Variants in SUGP2 observed in about 807,000 individuals in gnomAD.
The protein encoded by SUGP2 is SURP and G-patch domain-containing protein 2.
A neutral mutation model predicts 90.5 loss-of-function variants in SUGP2; 24 were observed. The observed-to-expected ratio is 0.27, with a 90% CI of 0.19 to 0.37. SUGP2 has a LOEUF of 0.37. SUGP2 is among the 10% of genes least tolerant of loss of function. SUGP2 has a pLI of 1.00. For missense variants in SUGP2, 1,233 were observed against 1,363.3 expected (o/e 0.90, Z 1.51); for synonymous variants, 473 against 513.4 (o/e 0.92, Z 1.06).
rs2057526042 is a variant in SUGP2 at position 18,995,176 on chromosome 19, G to A, written c.3096C>T (p.Ser1032=). The A allele has an allele frequency of 1.9e-6, 3 of 1,613,314 alleles. No homozygotes were observed. Among genetic ancestry groups the A allele is most frequent in the African/African-American group, 1.3e-5 (1 of 75,034 alleles). The change falls in exon 9 of 11, where the codon TCC becomes TCT. Residue 1032 remains serine, a synonymous_variant. Transcript: ENST00000452918. The stretch of plus-strand genomic sequence containing the variant: ...CCGGCTCCCTGATGCCCTTTCCGAG[G>A]GAGCCCAGGCCATGGCCCTCCTTCC... ...MGWKEGHGLG[S]LGKGIREPVS...
At chr19:19,028,463 G>A (rs1488858979) in intron 2 of SUGP2, among the ~76,000 whole-genome samples, 1 of 152,194 alleles carries the variant, frequency 6.6e-6, no homozygotes. Flanking sequence ...TGATAACCCA[G>A]GTATTGATGA....
At position 19,025,590 on chromosome 19, in the gene SUGP2, T is replaced by G; in HGVS notation, c.758A>C (p.Lys253Thr). Residue 253 changes from lysine (K) to threonine (T), a missense_variant, in exon 3 of 11, where the codon AAA becomes ACA. Coordinates refer to ENST00000452918, the MANE Select transcript of SUGP2 (RefSeq NM_001017392.5). ...KLVTLRNVST[K>T]KIPTVNRITP... ...AATACGATTCACGGTGGGTATTTTT[T>G]TTGTGCTCACATTTCTCAATGTGAC... 1 of 1,614,098 alleles carries G rather than the reference T, an allele frequency of 6.2e-7. No individual in the cohort carries two copies. Among genetic ancestry groups the G allele is most frequent in the Non-Finnish European group, 8.5e-7 (1 of 1,180,030 alleles).
intron 4 of SUGP2, among the ~76,000 whole-genome samples, chr19:19,011,154 CCTT>C (rs1215400272): frequency 6.7e-6 from 1 of 149,616 alleles, no homozygotes; most frequent in East Asian, 2.0e-4. Context: ...AAAAAAAAAA[CCTT>C]CTCCTTCTAG....
chr19:18,990,898 T>C lies in SUGP2; in HGVS notation c.*2843A>G, dbSNP rs2057335181. On this transcript the variant is annotated 3_prime_UTR_variant, in exon 11 of 11. Coordinates refer to ENST00000452918, the MANE Select transcript of SUGP2 (RefSeq NM_001017392.5). ...CCATGGAGACCCCAGCACACTGCAT[T>C]TCCTCTACATTTATTGCAACGGCTA... 6.6e-6 allele frequency: 1 copy of C among 152,202 alleles called. No homozygotes were observed. The highest frequency in any genetic ancestry group is 1.5e-5 in the Non-Finnish European group (1 of 68,034). 9.4% of individuals were successfully genotyped at this position (152,202 alleles called of 1,614,324 possible).
Position 18,993,135 on chromosome 19 carries a change from T to C in SUGP2, c.*606A>G, listed in dbSNP as rs2057432243. The C allele has an allele frequency of 6.6e-6, 1 of 152,246 alleles. No individual in the cohort carries two copies. Among genetic ancestry groups the C allele is most frequent in the Admixed American group, 6.5e-5 (1 of 15,284 alleles). 9.4% of individuals were successfully genotyped at this position (152,246 alleles called of 1,614,324 possible). ...CTCCCCACCCGATAGAGCTATTCTA[T>C]ACTGTTGCTAAAATTTCATTAAGTC... On this transcript the variant is annotated 3_prime_UTR_variant, in exon 11 of 11. Transcript: ENST00000452918.
intron 6 of SUGP2, among the ~76,000 whole-genome samples, chr19:19,005,885 A>C (rs1242364124): frequency 3.4e-5 from 1 of 29,330 alleles, no homozygotes; most frequent in Non-Finnish European, 7.2e-5. Context: ...ACACACACAC[A>C]CACACACCAC....
chr19:19,014,894 T>C (rs1396434106), intron 4 of SUGP2, among the ~76,000 whole-genome samples: 2 of 151,842 alleles, frequency 1.3e-5, no homozygotes, highest in East Asian at 1.9e-4. Flanking sequence ...AAAAGCAACA[T>C]AGGCTTATTA....
chr19:19,007,950 G>A (rs1256517061), intron 6 of SUGP2, among the ~76,000 whole-genome samples: 1 of 151,946 alleles, frequency 6.6e-6, no homozygotes, highest in Admixed American at 6.6e-5. Flanking sequence ...GTAGAGATGG[G>A]GTTTTAGCAT....
At chr19:18,994,622 C>G in intron 9 of SUGP2, 136 bp from the exon 10 acceptor site, 3 of 1,234,728 alleles carry the variant, frequency 2.4e-6, no homozygotes, top group Middle Eastern at 2.8e-4. Flanking sequence ...AAGGGAAAAT[C>G]AAGACGCGAC....
At chr19:19,030,343 A>C (rs142327687) in intron 2 of SUGP2, among the ~76,000 whole-genome samples, 1,871 of 152,138 alleles carry the variant, frequency 0.012, 35 homozygotes, top group African/African-American at 0.043. Context: ...TAGAAAAATT[A>C]GCTGGGCGTG....
rs1029268766 is a variant in SUGP2 at position 18,995,417 on chromosome 19, C to T, written c.2992-137G>A. The T allele has an allele frequency of 1.2e-5, 12 of 1,037,324 alleles. No individual in the cohort carries two copies. The East Asian group carries it at 3.0e-4, about 26-fold the overall frequency. The allele number at this position is 1,037,324 out of a possible 1,614,324, so 64.3% of individuals were successfully genotyped here. A position where few individuals can be genotyped will look rare whatever the true frequency, so the allele number is the denominator to read the frequency against. ...CAGATGCTCAGGCTCAAGCTCCAGT[C>T]ACTTCCCCAGTTCTCTGCAACATCC... On this transcript the variant is annotated intron_variant, in intron 8 of 10. Coordinates refer to ENST00000452918, the MANE Select transcript of SUGP2 (RefSeq NM_001017392.5).
chr19:18,995,082 C>G (rs756494345), intron 9 of SUGP2, 62 bp downstream of exon 9: 6 of 1,581,136 alleles, frequency 3.8e-6, no homozygotes, highest in Non-Finnish European at 5.1e-6. Context: ...AGCCAAGCGG[C>G]AGGCTGCAGG....
chr19:19,007,360 C>T (rs1313778392), intron 6 of SUGP2: 1 of 152,414 alleles, frequency 6.6e-6, no homozygotes, highest in Non-Finnish European at 1.5e-5. Flanking sequence ...TCTCCCCTCC[C>T]CTGGCCAACT....
intron 8 of SUGP2, among the ~76,000 whole-genome samples, chr19:18,997,813 A>C (rs1041149002): frequency 6.6e-6 from 1 of 151,574 alleles, no homozygotes; most frequent in Non-Finnish European, 1.5e-5. Flanking sequence ...AGAAAGAAAG[A>C]AAGAAAGCGA....
chr19:19,004,652 G>A lies in SUGP2; in HGVS notation c.2451-6C>T. On this transcript the variant is annotated splice_polypyrimidine_tract_variant and splice_region_variant and intron_variant, in intron 6 of 10. Coordinates refer to ENST00000452918, the MANE Select transcript of SUGP2 (RefSeq NM_001017392.5). ...TATTTTGGTCATGTAGAAACCTGGGGCACAGAGGAAATACATTGGGTAACC... is the reference window on the plus strand; with the variant it reads ...TATTTTGGTCATGTAGAAACCTGGGACACAGAGGAAATACATTGGGTAACC... The A allele has an allele frequency of 2.5e-6, 4 of 1,585,992 alleles. No homozygotes were observed. Among genetic ancestry groups the A allele is most frequent in the Non-Finnish European group, 3.4e-6 (4 of 1,162,074 alleles).
chr19:19,009,828 A>G (rs2058235348), intron 5 of SUGP2, 27 bp downstream of exon 5: 2 of 1,569,894 alleles, frequency 1.3e-6, no homozygotes, highest in South Asian at 2.4e-5. Context: ...TGGGGCCCAG[A>G]GGAGGGGGAC....
At chr19:18,994,062 C>T (rs2057470915) in intron 10 of SUGP2, 2 of 250,130 alleles carry the variant, frequency 8.0e-6, no homozygotes, top group Non-Finnish European at 7.8e-6. Flanking sequence ...TGGCCTATTT[C>T]CACACGCACA....
At chr19:19,028,205 G>A (rs1026726368) in intron 2 of SUGP2, among the ~76,000 whole-genome samples, 1 of 152,178 alleles carries the variant, frequency 6.6e-6, no homozygotes, top group African/African-American at 2.4e-5. Context: ...GGGCATCAGG[G>A]TTTTTAAAAG....
intron 4 of SUGP2, among the ~76,000 whole-genome samples, chr19:19,013,972 G>A (rs1555736850): frequency 1.3e-5 from 2 of 152,232 alleles, no homozygotes; most frequent in African/African-American, 2.4e-5. Flanking sequence ...CATAGTGGAT[G>A]TGTCTGTCTA....
Sources: gnomAD v4.1 joint callset for allele counts (sites outside exome capture counted in the v4.1 genomes callset) on GRCh38, gnomAD v4.1.1 for gene constraint, MANE v1.5 for transcripts, NCBI Gene and HGNC (gene_info 2026-07-23, HGNC 2026-07-21) for gene names.